Variants in MADCAM1 observed in about 807,000 individuals in gnomAD.
The protein encoded by MADCAM1 is mucosal vascular addressin cell adhesion molecule 1, also known as mucosal addressin cell adhesion molecule 1.
Under a neutral mutation model 26.1 loss-of-function variants are expected in MADCAM1, and 19 were observed. The ratio of observed to expected loss-of-function variants is 0.73; its 90% confidence interval spans 0.51 to 1.07. MADCAM1 has a LOEUF of 1.07. Ranked by LOEUF, MADCAM1 falls within the 50% of genes least tolerant of loss-of-function variation. The pLI is 0.00. For synonymous variants in MADCAM1, 268 were observed against 260.9 expected, an observed-to-expected ratio of 1.03 and a Z score of -0.26; for missense variants, 514 against 542.1, an observed-to-expected ratio of 0.95 and a Z score of 0.51.
chr19:497,082 G>GGAGAGGAGGGGCGCAGGA (rs1568315953), intron 1 of MADCAM1, among the ~76,000 whole-genome samples: 12 of 15,276 alleles, frequency 7.9e-4, no homozygotes, highest in Non-Finnish European at 1.0e-3. Context: ...GGGGCGCAGG[G>GGAGAGGAGGGGCGCAGGA]GAGAGGAGGG....
In MADCAM1 at chr19:505,026, GT is replaced by G; in HGVS notation, c.*62del. 7.7e-7 allele frequency: 1 copy of G among 1,303,520 alleles called. No homozygotes were observed. Among genetic ancestry groups the G allele is most frequent in the Non-Finnish European group, 1.0e-6 (1 of 953,744 alleles). 80.7% of individuals were successfully genotyped at this position (1,303,520 alleles called of 1,614,324 possible). ...TTGGACCCCTTCAAGTTGAGAACTG[GT>G]CAGGGCAAACCTGCCTCCCATTCTA... On this transcript the variant is annotated 3_prime_UTR_variant, in exon 5 of 5. Transcript: ENST00000215637.
intron 3 of MADCAM1, 197 bp downstream of exon 3, chr19:499,022 C>T: frequency 1.2e-6 from 1 of 851,330 alleles, no homozygotes; most frequent in Non-Finnish European, 1.9e-6. Context: ...AGGTCCCACC[C>T]CTCCCCTGCC....
chr19:499,103 G>A (rs1380266270), intron 3 of MADCAM1: 10 of 651,544 alleles, frequency 1.5e-5, no homozygotes, highest in Non-Finnish European at 2.5e-5. Context: ...GAACCTGCAC[G>A]ACCTACCCTG....
chr19:498,002 G>A lies in MADCAM1; in HGVS notation c.222G>A (p.Thr74=), dbSNP rs563094555. The part of the protein sequence containing the change: ...DTSLGAVQSD[T]GRSVLTVRNA... ...GCCTGGGCGCGGTGCAGTCGGACACGGGCCGCAGCGTCCTCACCGTGCGCA... is the reference window on the plus strand; with the variant it reads ...GCCTGGGCGCGGTGCAGTCGGACACAGGCCGCAGCGTCCTCACCGTGCGCA... Residue 74 remains threonine, a synonymous_variant, in exon 2 of 5, where the codon ACG becomes ACA. Transcript: ENST00000215637. 81 of 1,503,052 alleles carry A rather than the reference G, an allele frequency of 5.4e-5. 2 individuals are homozygous for A. In the South Asian group the frequency reaches 1.0e-3, roughly 19 times the overall value. 93.1% of individuals were successfully genotyped at this position (1,503,052 alleles called of 1,614,324 possible). A position where few individuals can be genotyped will look rare whatever the true frequency, so the allele number is the denominator to read the frequency against.
chr19:498,663 CAGGAGG>C lies in MADCAM1; in HGVS notation c.517_522del (p.Glu173_Glu174del). 2 of 1,456,368 alleles carry C rather than the reference CAGGAGG, an allele frequency of 1.4e-6. No homozygotes were observed. The highest frequency in any genetic ancestry group is 9.0e-7 in the Non-Finnish European group (1 of 1,108,922). The allele number at this position is 1,456,368 out of a possible 1,614,324, so 90.2% of individuals were successfully genotyped here. A position where few individuals can be genotyped will look rare whatever the true frequency, so the allele number is the denominator to read the frequency against. On this transcript the variant is annotated inframe_deletion, in exon 3 of 5. Transcript: ENST00000215637. ...GGCGCAAGCCCTGGGCCCGGAGGTGCAGGAGGAGGAGGAGGAGCCCCAGGGGGACGA... is the reference window on the plus strand; with the variant it reads ...GGCGCAAGCCCTGGGCCCGGAGGTGCAGGAGGAGGAGCCCCAGGGGGACGA...
chr19:498,126 TC>T lies in MADCAM1; in HGVS notation c.337+15del. 7.6e-7 allele frequency: 1 copy of T among 1,313,558 alleles called. No homozygotes were observed. The highest frequency in any genetic ancestry group is 9.7e-7 in the Non-Finnish European group (1 of 1,031,362). 81.4% of individuals were successfully genotyped at this position (1,313,558 alleles called of 1,614,324 possible). ...GCAGCTCCTTGTGTACGGTGAGGCG[TC>T]CCCCCGCGCCCTGCCTCTCTGACCC... is the stretch of plus-strand genomic sequence containing the variant. On this transcript the variant is annotated intron_variant, in intron 2 of 4. Coordinates refer to ENST00000215637, the MANE Select transcript of MADCAM1 (RefSeq NM_130760.3).
chr19:498,851 C>T, intron 3 of MADCAM1, 26 bp downstream of exon 3: 2 of 1,515,274 alleles, frequency 1.3e-6, no homozygotes, highest in Non-Finnish European at 1.8e-6. Flanking sequence ...GCCCTGGAGA[C>T]CCACCCGCTC....
At chr19:498,216 T>TCCCAGCTCCATG in intron 2 of MADCAM1, 99 bp downstream of exon 2, 2 of 1,199,434 alleles carry the variant, frequency 1.7e-6, no homozygotes, top group Non-Finnish European at 2.1e-6. Flanking sequence ...GCAGGCAGGG[T>TCCCAGCTCCATG]CCCAGCTCCA....
intron 1 of MADCAM1, 161 bp from the exon 2 acceptor site, chr19:497,672 G>A (rs1978291919): frequency 3.8e-6 from 2 of 520,500 alleles, no homozygotes; most frequent in Non-Finnish European, 5.8e-6. Flanking sequence ...ACCGAGCCTG[G>A]GAGTCCGGGT....
At chr19:499,110 C>T (rs1978304163) in intron 3 of MADCAM1, 1 of 644,054 alleles carries the variant, frequency 1.6e-6, no homozygotes, top group Non-Finnish European at 2.9e-6. Flanking sequence ...CACGACCTAC[C>T]CTGTCCCCTT....
Position 505,019 on chromosome 19 carries a change from A to G in MADCAM1, c.*54A>G, listed in dbSNP as rs1978548645. ...AAATAGCTTGGACCCCTTCAAGTTG[A>G]GAACTGGTCAGGGCAAACCTGCCTC... On this transcript the variant is annotated 3_prime_UTR_variant, in exon 5 of 5. Coordinates refer to ENST00000215637, the MANE Select transcript of MADCAM1 (RefSeq NM_130760.3). The G allele has an allele frequency of 7.3e-7, 1 of 1,366,794 alleles. No individual in the cohort carries two copies. Among genetic ancestry groups the G allele is most frequent in the Admixed American group, 2.2e-5 (1 of 44,904 alleles). 84.7% of individuals were successfully genotyped at this position (1,366,794 alleles called of 1,614,324 possible).
chr19:504,644 G>T (rs911742859), intron 4 of MADCAM1, 101 bp from the exon 5 acceptor site: 1 of 777,702 alleles, frequency 1.3e-6, no homozygotes, highest in African/African-American at 1.7e-5. Flanking sequence ...AGGGAACGTG[G>T]TAACTTTGGA....
intron 4 of MADCAM1, among the ~76,000 whole-genome samples, chr19:503,991 G>A (rs1328176029): frequency 6.6e-6 from 1 of 151,484 alleles, no homozygotes; most frequent in Admixed American, 6.6e-5. Flanking sequence ...GGAGGCGGAA[G>A]TGGCAGTGAG....
chr19:498,690 G>A lies in MADCAM1; in HGVS notation c.532G>A (p.Asp178Asn), dbSNP rs865806687. Residue 178 changes from aspartate (D) to asparagine (N), a missense_variant, in exon 3 of 5, where the codon GAC (aspartate) becomes AAC (asparagine). This residue lies in a region of MADCAM1 where 317 missense variants were observed against 313.6 expected (regional missense o/e 1.01). Coordinates refer to ENST00000215637, the MANE Select transcript of MADCAM1 (RefSeq NM_130760.3). ...GGAGGAGGAGGAGGAGCCCCAGGGG[G>A]ACGAGGACGTGCTGTTCAGGGTGAC... ...VQEEEEEPQG[D>N]EDVLFRVTER... 1.4e-6 allele frequency: 2 copies of A among 1,448,766 alleles called. No individual in the cohort carries two copies. Among genetic ancestry groups the A allele is most frequent in the South Asian group, 1.5e-5 (1 of 66,958 alleles). The allele number at this position is 1,448,766 out of a possible 1,614,324, so 89.7% of individuals were successfully genotyped here. A position where few individuals can be genotyped will look rare whatever the true frequency, so the allele number is the denominator to read the frequency against.
At chr19:498,140 G>C in intron 2 of MADCAM1, 23 bp downstream of exon 2, 1 of 1,312,194 alleles carries the variant, frequency 7.6e-7, no homozygotes, top group Non-Finnish European at 9.7e-7. Flanking sequence ...CCCGCGCCCT[G>C]CCTCTCTGAC....
chr19:497,774 C>T (rs188740234), intron 1 of MADCAM1, 59 bp from the exon 2 acceptor site: 13,265 of 1,075,844 alleles, frequency 0.012, 99 homozygotes, highest in South Asian at 0.031. Context: ...GACGCAGGGC[C>T]GGTGGCGGGG....
At chr19:498,861 C>G (rs974498293) in intron 3 of MADCAM1, 36 bp downstream of exon 3, 1 of 1,446,694 alleles carries the variant, frequency 6.9e-7, no homozygotes, top group African/African-American at 1.5e-5. Flanking sequence ...CCCACCCGCT[C>G]GCCAGCCTTG....
chr19:497,502 G>A (rs1486648410), intron 1 of MADCAM1, among the ~76,000 whole-genome samples: 7 of 149,024 alleles, frequency 4.7e-5, no homozygotes, highest in African/African-American at 1.2e-4. Flanking sequence ...GATAGGGGGT[G>A]ATTGGTGATC....
intron 3 of MADCAM1, chr19:499,035 C>T (rs1327488646): frequency 2.5e-6 from 2 of 812,570 alleles, no homozygotes; most frequent in African/African-American, 1.7e-5. Context: ...CCCCTGCCCA[C>T]AGCGCTCCAT....
Sources: allele counts gnomAD v4.1 joint callset (sites outside exome capture counted in the v4.1 genomes callset), GRCh38; gene constraint gnomAD v4.1.1; regional missense constraint gnomAD v4.1.1; transcripts MANE v1.5; gene names NCBI Gene and HGNC (gene_info 2026-07-23, HGNC 2026-07-21).